Variants in DNAH12 observed in about 807,000 individuals in gnomAD.
DNAH12 encodes axonemal beta dynein heavy chain 12.
A neutral mutation model predicts 371.5 loss-of-function variants in DNAH12; 285 were observed. The observed-to-expected ratio is 0.77, with a 90% confidence interval of 0.70 to 0.85. The LOEUF is 0.85. DNAH12 is among the 40% of genes least tolerant of loss of function. The pLI, the probability that DNAH12 is intolerant of heterozygous loss-of-function variation, is 0.00. For missense variants in DNAH12, 3,611 were observed against 3,689.4 expected (o/e 0.98, Z 0.55); for synonymous variants, 1,200 against 1,213.0 (o/e 0.99, Z 0.22).
chr3:57,305,136 T>G (rs2107664734), intron 69 of DNAH12, among the ~76,000 whole-genome samples: 1 of 152,290 alleles, frequency 6.6e-6, no homozygotes, highest in East Asian at 1.9e-4. Flanking sequence ...TAAATAATTC[T>G]TATTGTAAAA....
At chr3:57,299,834 C>G (rs1271082364) in intron 70 of DNAH12, among the ~76,000 whole-genome samples, 1 of 152,034 alleles carries the variant, frequency 6.6e-6, no homozygotes. Context: ...GTTATCTAGT[C>G]TATTTTGCTT....
chr3:57,351,127 G>A (rs1488060017), intron 60 of DNAH12, among the ~76,000 whole-genome samples: 2 of 151,946 alleles, frequency 1.3e-5, no homozygotes, highest in Non-Finnish European at 2.9e-5. Context: ...AAATTAGCTG[G>A]GCATGGTGGT....
At chr3:57,346,577 T>C (rs1350334654) in intron 60 of DNAH12, among the ~76,000 whole-genome samples, 2 of 151,976 alleles carry the variant, frequency 1.3e-5, no homozygotes, top group African/African-American at 2.4e-5. Flanking sequence ...TAGGAAACAG[T>C]AACATATATG....
intron 69 of DNAH12, among the ~76,000 whole-genome samples, chr3:57,302,567 A>ATATTTTTTTTTTT (rs2061380979): frequency 3.6e-5 from 1 of 27,482 alleles, no homozygotes; most frequent in Non-Finnish European, 6.3e-5. Context: ...ATATATATGT[A>ATATTTTTTTTTTT]TTTTTTTTTT....
chr3:57,474,544 C>A (rs980142694), intron 13 of DNAH12, among the ~76,000 whole-genome samples: 1 of 152,186 alleles, frequency 6.6e-6, no homozygotes, highest in Non-Finnish European at 1.5e-5. Context: ...GATCCACCCA[C>A]GTCGGCCTCC....
At chr3:57,536,817 T>A (rs761571289) in intron 2 of DNAH12, among the ~76,000 whole-genome samples, 56 of 152,178 alleles carry the variant, frequency 3.7e-4, no homozygotes, top group Non-Finnish European at 7.1e-4. Context: ...TAGCAACAAT[T>A]TCTGGAGCAT....
At chr3:57,407,132 T>C (rs952199522) in intron 40 of DNAH12, among the ~76,000 whole-genome samples, 2 of 152,020 alleles carry the variant, frequency 1.3e-5, no homozygotes, top group Non-Finnish European at 1.5e-5. Context: ...CTCTTGACCT[T>C]GTGATCCGCC....
intron 43 of DNAH12, among the ~76,000 whole-genome samples, chr3:57,394,920 C>T: frequency 6.6e-6 from 1 of 152,070 alleles, no homozygotes; most frequent in East Asian, 1.9e-4. Flanking sequence ...CAGTAGTGTG[C>T]TGAAGCTGAC....
At chr3:57,525,031 A>G (rs534619251) in intron 2 of DNAH12, among the ~76,000 whole-genome samples, 1 of 152,240 alleles carries the variant, frequency 6.6e-6, no homozygotes, top group South Asian at 2.1e-4. Context: ...CAAAGAAAAA[A>G]GCATACAAGG....
intron 29 of DNAH12, among the ~76,000 whole-genome samples, chr3:57,443,171 G>T (rs947517810): frequency 6.6e-6 from 1 of 152,096 alleles, no homozygotes; most frequent in African/African-American, 2.4e-5. Flanking sequence ...GTGCAATGGC[G>T]CAATCTCGGC....
intron 43 of DNAH12, among the ~76,000 whole-genome samples, chr3:57,397,684 A>G (rs2063773646): frequency 6.6e-6 from 1 of 152,216 alleles, no homozygotes; most frequent in Non-Finnish European, 1.5e-5. Context: ...AAGAAACAGG[A>G]AATTAAGACA....
chr3:57,511,560 T>C (rs2068000040), intron 4 of DNAH12, among the ~76,000 whole-genome samples: 1 of 152,338 alleles, frequency 6.6e-6, no homozygotes, highest in African/African-American at 2.4e-5. Context: ...ATTATCTACA[T>C]ACATTTTTAT....
At chr3:57,392,597 A>T (rs964332048) in intron 44 of DNAH12, among the ~76,000 whole-genome samples, 7 of 152,104 alleles carry the variant, frequency 4.6e-5, no homozygotes, top group Non-Finnish European at 8.8e-5. Flanking sequence ...GAAAAACAAA[A>T]ACAAAAACAA....
intron 4 of DNAH12, among the ~76,000 whole-genome samples, chr3:57,514,004 G>C (rs925667335): frequency 6.6e-6 from 1 of 152,244 alleles, no homozygotes; most frequent in African/African-American, 2.4e-5. Context: ...AAGAGTGGCT[G>C]ATGCATACAT....
chr3:57,540,391 C>T (rs2069229497), intron 2 of DNAH12, among the ~76,000 whole-genome samples: 1 of 152,136 alleles, frequency 6.6e-6, no homozygotes, highest in Non-Finnish European at 1.5e-5. Context: ...TGTGTAACAG[C>T]AGATACTTAC....
chr3:57,308,183 CT>C (rs2061511832), intron 69 of DNAH12, among the ~76,000 whole-genome samples: 1 of 152,116 alleles, frequency 6.6e-6, no homozygotes, highest in African/African-American at 2.4e-5. Flanking sequence ...AGGTAGAGGC[CT>C]TTCCCACAGG....
intron 56 of DNAH12, among the ~76,000 whole-genome samples, chr3:57,367,636 C>T (rs1051512187): frequency 5.3e-5 from 8 of 152,240 alleles, no homozygotes; most frequent in Admixed American, 5.2e-4. Flanking sequence ...CATTCACCAT[C>T]ACTATTCATG....
intron 40 of DNAH12, among the ~76,000 whole-genome samples, chr3:57,406,188 T>G (rs1280871305): frequency 6.6e-6 from 1 of 151,744 alleles, no homozygotes; most frequent in African/African-American, 2.4e-5. Flanking sequence ...CTGTCTCTAC[T>G]AAAAATACAA....
At chr3:57,400,414 AAAG>A (rs2063833220) in intron 43 of DNAH12, among the ~76,000 whole-genome samples, 2 of 152,222 alleles carry the variant, frequency 1.3e-5, no homozygotes, top group African/African-American at 2.4e-5. Flanking sequence ...GGCAGAAGTG[AAAG>A]AAGAATTGTA....
Sources: gnomAD v4.1 joint callset for allele counts (sites outside exome capture counted in the v4.1 genomes callset) on GRCh38, gnomAD v4.1.1 for gene constraint, MANE v1.5 for transcripts, NCBI Gene and HGNC (gene_info 2026-07-23, HGNC 2026-07-21) for gene names.